The following AKAP6 variants were observed in gnomAD, a reference collection of about 807,000 sequenced individuals.
The protein encoded by AKAP6 is A-kinase anchor protein 6.
AKAP6 carries 58 observed loss-of-function variants against 188.5 expected under a neutral mutation model. The ratio of observed to expected loss-of-function variants is 0.31; its 90% CI spans 0.25 to 0.38. The LOEUF is 0.38. AKAP6 is among the 10% of genes least tolerant of loss of function. The probability of loss-of-function intolerance (pLI) is 1.00; values close to 1 mark genes in which losing one functional copy is unlikely to be tolerated. For synonymous variants in AKAP6, 989 were observed against 998.6 expected (o/e 0.99, Z 0.18); for missense variants, 2,710 against 2,740.0 (o/e 0.99, Z 0.24).
chr14:32,525,140 T>C (rs945267661), intron 2 of AKAP6, among the ~76,000 whole-genome samples: 2 of 152,192 alleles, frequency 1.3e-5, no homozygotes, highest in African/African-American at 4.8e-5. Flanking sequence ...ATTTTGATCC[T>C]GCATTGTGTC....
chr14:32,488,914 G>A (rs969268689), intron 2 of AKAP6, among the ~76,000 whole-genome samples: 3 of 152,162 alleles, frequency 2.0e-5, no homozygotes, highest in Admixed American at 6.5e-5. Context: ...CGCCTTCTGC[G>A]TTGGTCTTGC....
chr14:32,643,420 G>A (rs777337671), intron 7 of AKAP6, among the ~76,000 whole-genome samples: 5 of 151,810 alleles, frequency 3.3e-5, no homozygotes, highest in African/African-American at 9.7e-5. Flanking sequence ...TAATTCTCCC[G>A]CCTCAGCCTC....
intron 8 of AKAP6, among the ~76,000 whole-genome samples, chr14:32,688,032 C>T (rs1451568482): frequency 6.6e-6 from 1 of 151,714 alleles, no homozygotes; most frequent in Non-Finnish European, 1.5e-5. Context: ...AAAAGGCAAA[C>T]CAGAGAGGGA....
At chr14:32,470,687 A>G (rs1878729658) in intron 2 of AKAP6, among the ~76,000 whole-genome samples, 2 of 152,232 alleles carry the variant, frequency 1.3e-5, no homozygotes, top group Non-Finnish European at 2.9e-5. Context: ...TGAACAGACA[A>G]TAGAGGTAGG....
intron 9 of AKAP6, among the ~76,000 whole-genome samples, chr14:32,708,958 A>G (rs1555354556): frequency 1.3e-5 from 2 of 152,080 alleles, no homozygotes; most frequent in Admixed American, 6.6e-5. Context: ...GTAATGTCTT[A>G]TAAACCAGGA....
At chr14:32,440,851 C>G (rs1890551651) in intron 2 of AKAP6, among the ~76,000 whole-genome samples, 1 of 152,010 alleles carries the variant, frequency 6.6e-6, no homozygotes, top group African/African-American at 2.4e-5. Context: ...GGCTGTAATC[C>G]TTTTTTTGGT....
chr14:32,628,449 A>C (rs1044313240), intron 7 of AKAP6, among the ~76,000 whole-genome samples: 2 of 152,106 alleles, frequency 1.3e-5, no homozygotes, highest in Non-Finnish European at 2.9e-5. Flanking sequence ...CAGAGCTGTT[A>C]TTAGACACAA....
intron 2 of AKAP6, among the ~76,000 whole-genome samples, chr14:32,490,429 T>A (rs1879951190): frequency 6.6e-6 from 1 of 152,200 alleles, no homozygotes; most frequent in Non-Finnish European, 1.5e-5. Flanking sequence ...GAAACAGACC[T>A]TACTTTCCTG....
chr14:32,822,433 A>G lies in AKAP6; in HGVS notation c.4620A>G (p.Ser1540=). Residue 1540 remains serine (S), a synonymous_variant, in exon 13 of 14, where the codon TCA becomes TCG. Coordinates refer to ENST00000280979, the MANE Select transcript of AKAP6 (RefSeq NM_004274.5). ...CATCTCATGAAATGGATCGCATTTC[A>G]TATAAAAGTGGCAATATAGAAAAGA... ...ASASHEMDRI[S]YKSGNIEKTF... 1.2e-6 allele frequency: 2 copies of G among 1,614,054 alleles called. No individual in the cohort carries two copies. The highest frequency in any genetic ancestry group is 1.3e-5 in the African/African-American group (1 of 75,040).
chr14:32,502,383 C>G (rs909172747), intron 2 of AKAP6, among the ~76,000 whole-genome samples: 1 of 152,138 alleles, frequency 6.6e-6, no homozygotes, highest in Non-Finnish European at 1.5e-5. Flanking sequence ...TTATTGAAGA[C>G]AGTTTAATTG....
chr14:32,538,950 G>A (rs1015221384), intron 3 of AKAP6, among the ~76,000 whole-genome samples: 1 of 152,084 alleles, frequency 6.6e-6, no homozygotes, highest in Non-Finnish European at 1.5e-5. Context: ...GTTTTTAACT[G>A]ATTTCTATTT....
At chr14:32,744,800 T>C (rs976419801) in intron 11 of AKAP6, among the ~76,000 whole-genome samples, 1 of 152,142 alleles carries the variant, frequency 6.6e-6, no homozygotes, top group African/African-American at 2.4e-5. Context: ...TCATTGTTTT[T>C]ATTCCTTTTT....
At chr14:32,511,721 G>A (rs773557169) in intron 2 of AKAP6, among the ~76,000 whole-genome samples, 7 of 152,036 alleles carry the variant, frequency 4.6e-5, no homozygotes, top group East Asian at 3.9e-4. Context: ...TTGTTCGGCC[G>A]TCTACTTTTG....
At chr14:32,622,917 C>T (rs1169588915) in intron 7 of AKAP6, among the ~76,000 whole-genome samples, 3 of 152,078 alleles carry the variant, frequency 2.0e-5, no homozygotes, top group Middle Eastern at 3.2e-3. Context: ...GGAAGTAGAA[C>T]CTGGAGAGAA....
At chr14:32,805,173 A>G (rs1335472898) in intron 12 of AKAP6, among the ~76,000 whole-genome samples, 1 of 152,202 alleles carries the variant, frequency 6.6e-6, no homozygotes, top group Non-Finnish European at 1.5e-5. Flanking sequence ...TTGGGAACTG[A>G]TGAATGTCCA....
At chr14:32,659,342 T>C (rs1888589371) in intron 7 of AKAP6, among the ~76,000 whole-genome samples, 1 of 152,158 alleles carries the variant, frequency 6.6e-6, no homozygotes, top group African/African-American at 2.4e-5. Context: ...CTGTCAGGGA[T>C]GATGTTAACA....
chr14:32,632,602 A>C (rs1387478688), intron 7 of AKAP6, among the ~76,000 whole-genome samples: 3 of 152,112 alleles, frequency 2.0e-5, no homozygotes, highest in Non-Finnish European at 4.4e-5. Flanking sequence ...CCAAGAATCC[A>C]AACAGGAGAG....
intron 7 of AKAP6, among the ~76,000 whole-genome samples, chr14:32,608,647 G>A (rs1008911381): frequency 6.6e-6 from 1 of 152,102 alleles, no homozygotes; most frequent in Admixed American, 6.6e-5. Flanking sequence ...AAAAGTCATT[G>A]ACAGGAATAG....
chr14:32,406,502 C>G (rs1889300854), intron 1 of AKAP6, among the ~76,000 whole-genome samples: 1 of 151,992 alleles, frequency 6.6e-6, no homozygotes, highest in African/African-American at 2.4e-5. Context: ...GCCACTGGGC[C>G]TGGGGAATAC....
Sources: gnomAD v4.1 joint callset for allele counts (sites outside exome capture counted in the v4.1 genomes callset) on GRCh38, gnomAD v4.1.1 for gene constraint, MANE v1.5 for transcripts, NCBI Gene and HGNC (gene_info 2026-07-23, HGNC 2026-07-21) for gene names.